The following SORT1 variants were observed in gnomAD, a reference collection of about 807,000 sequenced individuals.
The protein encoded by SORT1 is sortilin.
A neutral mutation model predicts 101.7 loss-of-function variants in SORT1; 39 were observed. The ratio of observed to expected loss-of-function variants is 0.38; its 90% CI spans 0.30 to 0.50. The LOEUF (loss-of-function observed/expected upper bound fraction) is 0.50. Among genes scored for constraint, SORT1 ranks in the 20% least tolerant of loss-of-function variants. The pLI, the probability that SORT1 is intolerant of heterozygous loss-of-function variation, is 0.90. For missense variants in SORT1, 878 were observed against 1,040.4 expected (o/e 0.84, Z 2.15); for synonymous variants, 396 against 393.7 (o/e 1.01, Z -0.07).
chr1:109,317,751 GT>G, intron 16 of SORT1, 101 bp downstream of exon 16: 1 of 791,960 alleles, frequency 1.3e-6, no homozygotes, highest in Non-Finnish European at 2.1e-6. Flanking sequence ...GCCAAAAATA[GT>G]GCTCTAAAGT....
intron 1 of SORT1, among the ~76,000 whole-genome samples, chr1:109,388,196 T>C (rs974210353): frequency 6.6e-6 from 1 of 152,016 alleles, no homozygotes; most frequent in South Asian, 2.1e-4. Flanking sequence ...GCCTTCCAAA[T>C]AGCTGGAACT....
chr1:109,318,765 G>A (rs1023689954), intron 15 of SORT1, among the ~76,000 whole-genome samples: 1 of 151,624 alleles, frequency 6.6e-6, no homozygotes, highest in South Asian at 2.1e-4. Context: ...TGATCTTTCC[G>A]CTTCAGCCTC....
rs754031735 is a variant in SORT1 at position 109,327,179 on chromosome 1, T to C, written c.1475-19A>G. ...ACGCTACCTGCAATATAATCCACCA[T>C]CTCATTAGCACAAATAGGCAATGAA... On this transcript the variant is annotated intron_variant, in intron 12 of 19. Transcript: ENST00000256637. The C allele has an allele frequency of 1.9e-6, 3 of 1,598,778 alleles. No homozygotes were observed. Among genetic ancestry groups the C allele is most frequent in the Non-Finnish European group, 2.6e-6 (3 of 1,167,958 alleles).
At chr1:109,348,760 T>C (rs1274937210) in intron 6 of SORT1, among the ~76,000 whole-genome samples, 1 of 152,124 alleles carries the variant, frequency 6.6e-6, no homozygotes, top group Non-Finnish European at 1.5e-5. Context: ...CCCAAAGTGC[T>C]TGGATTAGGG....
chr1:109,327,455 C>A, intron 12 of SORT1, 44 bp downstream of exon 12: 1 of 1,240,302 alleles, frequency 8.1e-7, no homozygotes, highest in South Asian at 1.3e-5. Flanking sequence ...TCAGTGTGCT[C>A]AGCCACTGTT....
intron 1 of SORT1, among the ~76,000 whole-genome samples, chr1:109,378,709 T>TG (rs1652018959): frequency 4.3e-4 from 1 of 2,320 alleles, no homozygotes; most frequent in African/African-American, 8.5e-4. Context: ...GATATATATA[T>TG]ATATATATAT....
chr1:109,372,020 T>C (rs1651508797), intron 1 of SORT1, among the ~76,000 whole-genome samples: 1 of 151,872 alleles, frequency 6.6e-6, no homozygotes, highest in African/African-American at 2.4e-5. Context: ...AAAGAAAAGG[T>C]CATATGGAAA....
chr1:109,363,376 C>T (rs1650864527), intron 3 of SORT1, among the ~76,000 whole-genome samples: 1 of 152,058 alleles, frequency 6.6e-6, no homozygotes, highest in African/African-American at 2.4e-5. Context: ...AACTAATATT[C>T]CTTATAAGGA....
intron 3 of SORT1, among the ~76,000 whole-genome samples, chr1:109,358,093 T>C (rs893264712): frequency 1.3e-5 from 2 of 152,004 alleles, no homozygotes; most frequent in Non-Finnish European, 1.5e-5. Context: ...AACAAACACA[T>C]CCCTGCCCTT....
chr1:109,331,969 G>T (rs1020583683), intron 11 of SORT1, among the ~76,000 whole-genome samples: 2 of 148,380 alleles, frequency 1.3e-5, no homozygotes, highest in Non-Finnish European at 3.0e-5. Context: ...AAAAACTTAG[G>T]GATAAATTTA....
intron 3 of SORT1, 150 bp downstream of exon 3, chr1:109,367,256 AAC>A (rs770854210): frequency 6.6e-5 from 37 of 559,728 alleles, no homozygotes; most frequent in Non-Finnish European, 1.1e-4. Flanking sequence ...CAACAACAAA[AAC>A]ATGTGCTGAG....
At chr1:109,366,082 A>G (rs1250670826) in intron 3 of SORT1, among the ~76,000 whole-genome samples, 1 of 152,220 alleles carries the variant, frequency 6.6e-6, no homozygotes, top group Non-Finnish European at 1.5e-5. Context: ...GGAAAATGAG[A>G]CAGACATAAA....
At chr1:109,339,955 C>T (rs1649100097) in intron 10 of SORT1, among the ~76,000 whole-genome samples, 1 of 152,062 alleles carries the variant, frequency 6.6e-6, no homozygotes. Flanking sequence ...TCGAGACCAA[C>T]CTGGCCAACA....
intron 1 of SORT1, among the ~76,000 whole-genome samples, chr1:109,387,607 T>C (rs1652646957): frequency 6.6e-6 from 1 of 152,226 alleles, no homozygotes; most frequent in Non-Finnish European, 1.5e-5. Context: ...ATCTGATTAC[T>C]GTTTTCTGAT....
rs1188447287 is a variant in SORT1, at chr1:109,367,484, G to T, written c.367-3C>A. 1.3e-6 allele frequency: 2 copies of T among 1,577,800 alleles called. No homozygotes were observed. Among genetic ancestry groups the T allele is most frequent in the Non-Finnish European group, 1.7e-6 (2 of 1,150,546 alleles). On this transcript the variant is annotated splice_region_variant and splice_polypyrimidine_tract_variant and intron_variant, in intron 2 of 19. Coordinates refer to ENST00000256637, the MANE Select transcript of SORT1 (RefSeq NM_002959.7). ...AAGGTAGTCAAGACTAGAATGACCT[G>T]GAGAGAGAAAAAAGCATTCCGTAAA...
intron 1 of SORT1, among the ~76,000 whole-genome samples, chr1:109,375,459 C>T (rs546338673): frequency 6.9e-6 from 1 of 144,068 alleles, no homozygotes; most frequent in African/African-American, 2.6e-5. Context: ...AGGAGAATGG[C>T]GTGAACCCCA....
chr1:109,325,220 A>G, intron 13 of SORT1, 131 bp from the exon 14 acceptor site: 1 of 454,444 alleles, frequency 2.2e-6, no homozygotes, highest in Non-Finnish European at 3.8e-6. Flanking sequence ...ATTGGCTGAC[A>G]ATTATTTTAA....
At chr1:109,332,746 G>C (rs1474996197) in intron 11 of SORT1, among the ~76,000 whole-genome samples, 1 of 152,102 alleles carries the variant, frequency 6.6e-6, no homozygotes, top group Non-Finnish European at 1.5e-5. Context: ...AAACAGCATG[G>C]TACTGGCGTT....
chr1:109,347,352 A>G (rs915631256), intron 7 of SORT1, 131 bp downstream of exon 7: 1 of 621,846 alleles, frequency 1.6e-6, no homozygotes, highest in African/African-American at 1.9e-5. Context: ...AATAACCACT[A>G]ACAGCTTTCT....
Sources: allele counts gnomAD v4.1 joint callset (sites outside exome capture counted in the v4.1 genomes callset), GRCh38; gene constraint gnomAD v4.1.1; transcripts MANE v1.5; gene names NCBI Gene and HGNC (gene_info 2026-07-23, HGNC 2026-07-21).